The following BBS9 variants were observed in gnomAD, a reference collection of about 807,000 sequenced individuals.
BBS9 encodes the protein protein PTHB1.
Under a neutral mutation model 117.7 loss-of-function variants are expected in BBS9, and 89 were observed. That is an observed-to-expected ratio of 0.76 (90% confidence interval 0.64 to 0.90). The LOEUF is 0.90. Ranked by LOEUF, BBS9 falls within the 40% of genes least tolerant of loss-of-function variation. BBS9 has a pLI of 0.00. For synonymous variants in BBS9, 379 were observed against 370.9 expected (o/e 1.02, Z -0.25); for missense variants, 982 against 1,042.2 (o/e 0.94, Z 0.80).
intron 21 of BBS9, among the ~76,000 whole-genome samples, chr7:33,568,750 A>T (rs1857302559): frequency 6.6e-6 from 1 of 152,250 alleles, no homozygotes; most frequent in Non-Finnish European, 1.5e-5. Flanking sequence ...AAAGGGAAAT[A>T]CAGAATGGTG....
intron 21 of BBS9, among the ~76,000 whole-genome samples, chr7:33,568,641 A>G (rs1585292653): frequency 6.6e-6 from 1 of 152,172 alleles, no homozygotes; most frequent in Non-Finnish European, 1.5e-5. Context: ...TGCCAATGTC[A>G]TCATGTATCA....
intron 19 of BBS9, among the ~76,000 whole-genome samples, chr7:33,441,668 A>G (rs983735841): frequency 3.9e-5 from 6 of 152,190 alleles, no homozygotes; most frequent in Admixed American, 3.3e-4. Context: ...TAATGTTTGC[A>G]TGGTTGTTAA....
intron 20 of BBS9, among the ~76,000 whole-genome samples, chr7:33,517,096 T>A (rs1373197556): frequency 6.6e-6 from 1 of 152,224 alleles, no homozygotes; most frequent in African/African-American, 2.4e-5. Flanking sequence ...CTAAGTCCAG[T>A]GAACTTCACT....
chr7:33,419,488 ATT>A (rs1338062227), intron 19 of BBS9, among the ~76,000 whole-genome samples: 1 of 152,156 alleles, frequency 6.6e-6, no homozygotes, highest in Non-Finnish European at 1.5e-5. Context: ...TTCTAATTAC[ATT>A]CATTGTCACC....
intron 5 of BBS9, among the ~76,000 whole-genome samples, chr7:33,236,080 C>A (rs1002132515): frequency 3.3e-5 from 5 of 151,940 alleles, no homozygotes; most frequent in Non-Finnish European, 2.9e-5. Flanking sequence ...GTAATCCCAG[C>A]ACTTTGGGGG....
chr7:33,441,414 T>C (rs1050941844), intron 19 of BBS9, among the ~76,000 whole-genome samples: 13 of 152,166 alleles, frequency 8.5e-5, no homozygotes, highest in African/African-American at 2.2e-4. Flanking sequence ...TTGCAAAAAA[T>C]ATTTAATATT....
chr7:33,153,121 C>G (rs1184735407), intron 3 of BBS9, among the ~76,000 whole-genome samples: 1 of 151,844 alleles, frequency 6.6e-6, no homozygotes, highest in Non-Finnish European at 1.5e-5. Context: ...TGAAAATAAC[C>G]AAATAAAGAA....
chr7:33,167,970 A>C (rs778409812), intron 4 of BBS9, among the ~76,000 whole-genome samples: 1 of 152,254 alleles, frequency 6.6e-6, no homozygotes, highest in Non-Finnish European at 1.5e-5. Flanking sequence ...ACAACCATAA[A>C]TATGACTGAT....
At chr7:33,524,780 CCTT>C (rs1243443686) in intron 20 of BBS9, among the ~76,000 whole-genome samples, 1 of 152,032 alleles carries the variant, frequency 6.6e-6, no homozygotes, top group African/African-American at 2.4e-5. Flanking sequence ...TTATTTCTTG[CCTT>C]CTTCTAGCTT....
At chr7:33,164,893 C>T (rs1795419804) in intron 4 of BBS9, among the ~76,000 whole-genome samples, 1 of 152,054 alleles carries the variant, frequency 6.6e-6, no homozygotes, top group African/African-American at 2.4e-5. Context: ...GGTTATTTTG[C>T]CCGTTGGTTG....
Position 33,534,138 on chromosome 7 carries a change from G to A in BBS9, c.2483G>A (p.Ser828Asn). 6.2e-7 allele frequency: 1 copy of A among 1,614,186 alleles called. No homozygotes were observed. Among genetic ancestry groups the A allele is most frequent in the Non-Finnish European group, 8.5e-7 (1 of 1,180,044 alleles). The part of the protein sequence containing the change: ...RLSKGGRLCL[S>N]TDAAAPQTMV... ...TCCAAAGGTGGCCGTCTCTGCCTAA[G>A]TACCGATGCAGCAGCCCCACAGACC... Residue 828 changes from serine (S) to asparagine (N), a missense_variant, in exon 21 of 23, where the codon AGT becomes AAT. Transcript: ENST00000242067.
chr7:33,365,408 C>A (rs1821497392), intron 16 of BBS9, among the ~76,000 whole-genome samples: 1 of 152,172 alleles, frequency 6.6e-6, no homozygotes, highest in Non-Finnish European at 1.5e-5. Context: ...GCAATGTAAA[C>A]TGTTTGCAGC....
intron 5 of BBS9, 34 bp from the exon 6 acceptor site, chr7:33,257,202 A>G: frequency 1.4e-6 from 2 of 1,419,584 alleles, no homozygotes; most frequent in Non-Finnish European, 2.0e-6. Context: ...TATAAAAAGA[A>G]TAGATTATCT....
chr7:33,366,543 CTTTTTTTTTT>C (rs70989948), intron 16 of BBS9, among the ~76,000 whole-genome samples: 1 of 89,692 alleles, frequency 1.1e-5, no homozygotes, highest in African/African-American at 4.4e-5. Flanking sequence ...TCTTTTCTTT[CTTTTTTTTTT>C]TTTTTTTTTG....
chr7:33,598,552 A>G (rs1863280670), intron 21 of BBS9, among the ~76,000 whole-genome samples: 1 of 152,224 alleles, frequency 6.6e-6, no homozygotes, highest in African/African-American at 2.4e-5. Context: ...TAACACATGT[A>G]CCACACTAAT....
At chr7:33,288,872 T>A (rs1449194441) in intron 9 of BBS9, among the ~76,000 whole-genome samples, 3 of 152,320 alleles carry the variant, frequency 2.0e-5, no homozygotes, top group East Asian at 1.9e-4. Flanking sequence ...ATTATTGTTA[T>A]CCTCATTTTA....
intron 19 of BBS9, among the ~76,000 whole-genome samples, chr7:33,425,617 C>G (rs893973046): frequency 6.6e-6 from 1 of 152,082 alleles, no homozygotes; most frequent in African/African-American, 2.4e-5. Context: ...GATGCTGTGT[C>G]GAAATGGACA....
intron 20 of BBS9, among the ~76,000 whole-genome samples, chr7:33,525,764 G>T (rs1260914765): frequency 8.7e-5 from 11 of 126,784 alleles, no homozygotes; most frequent in African/African-American, 3.2e-4. Flanking sequence ...AGTTAATATT[G>T]TTATGTGTGA....
chr7:33,578,492 C>T (rs1310558817), intron 21 of BBS9, among the ~76,000 whole-genome samples: 1 of 152,180 alleles, frequency 6.6e-6, no homozygotes, highest in African/African-American at 2.4e-5. Flanking sequence ...TGTGCAGGCC[C>T]TTTAAGACTA....
Sources: allele counts gnomAD v4.1 joint callset (sites outside exome capture counted in the v4.1 genomes callset), GRCh38; gene constraint gnomAD v4.1.1; transcripts MANE v1.5; gene names NCBI Gene and HGNC (gene_info 2026-07-23, HGNC 2026-07-21).